Variants in TTC19 observed in about 807,000 individuals in gnomAD.
TTC19 encodes the protein tetratricopeptide repeat protein 19, mitochondrial.
A neutral mutation model predicts 49.5 loss-of-function variants in TTC19; 38 were observed. The observed-to-expected ratio is 0.77, with a 90% CI of 0.59 to 1.01. The LOEUF is 1.01. Ranked by LOEUF, TTC19 falls within the 50% of genes least tolerant of loss-of-function variation. The pLI is 0.00. For synonymous variants in TTC19, 204 were observed against 185.2 expected (o/e 1.10, Z -0.83); for missense variants, 475 against 477.7 (o/e 0.99, Z 0.05).
intron 7 of TTC19, chr17:16,023,779 TA>T: frequency 6.6e-6 from 1 of 152,226 alleles, no homozygotes; most frequent in Admixed American, 6.5e-5. Context: ...GTAAGCGATA[TA>T]GAAGCAAGCT....
chr17:16,038,703 G>A (rs1190561764), intron 2 of TTC19, among the ~76,000 whole-genome samples: 3 of 152,022 alleles, frequency 2.0e-5, no homozygotes, highest in African/African-American at 7.2e-5. Context: ...CTCCCAAAGT[G>A]CTATGATTAC....
At chr17:16,025,198 A>C in intron 8 of TTC19, 27 bp downstream of exon 8, 1 of 1,607,626 alleles carries the variant, frequency 6.2e-7, no homozygotes, top group Non-Finnish European at 8.5e-7. Context: ...CAGAAGGGGG[A>C]ATATAAAACA....
chr17:16,004,944 T>G (rs900032463), intron 6 of TTC19, among the ~76,000 whole-genome samples: 2 of 152,240 alleles, frequency 1.3e-5, no homozygotes, highest in African/African-American at 2.4e-5. Flanking sequence ...CTGGAGCCTT[T>G]GACTTCAAGT....
Position 16,026,543 on chromosome 17 carries a change from A to C in TTC19, c.835A>C (p.Ile279Leu). ...TTGTTTTTTCTTTTACATACAGACC[A>C]TTGTGCTGATGAGTGACCTGGCTAC... is the stretch of plus-strand genomic sequence containing the variant. ...EIQGERHPQT[I>L]VLMSDLATTL... Residue 279 changes from isoleucine to leucine, a missense_variant, in exon 9 of 10, where the codon ATT becomes CTT. Physicochemically the swap from Ile to Leu is conservative, Grantham distance 5 (BLOSUM62 2). Transcript: ENST00000261647. The C allele has an allele frequency of 6.2e-7, 1 of 1,614,120 alleles. No homozygotes were observed. The highest frequency in any genetic ancestry group is 8.5e-7 in the Non-Finnish European group (1 of 1,179,984).
At chr17:16,014,114 T>C (rs192959368) in intron 7 of TTC19, among the ~76,000 whole-genome samples, 17 of 152,320 alleles carry the variant, frequency 1.1e-4, no homozygotes, top group Admixed American at 1.0e-3. Flanking sequence ...CCCAGGAATC[T>C]CATCCAGAAA....
chr17:16,031,097 A>G (rs1196167322), downstream of TTC19: 2 of 191,778 alleles, frequency 1.0e-5, no homozygotes, highest in Admixed American at 6.1e-5. Context: ...TAGTACCATA[A>G]TTAGTTTAGA....
In TTC19 at chr17:16,006,764, G is replaced by A. The variant is rs186385555; in HGVS notation, c.676+196G>A. 1.9e-3 allele frequency among the ~76,000 whole-genome samples: 286 copies of A among 152,038 alleles called. 2 individuals carry two copies. The highest frequency in any genetic ancestry group is 6.8e-3 in the Middle Eastern group (2 of 294). On this transcript the variant is annotated intron_variant, in intron 7 of 9. Transcript: ENST00000261647. ...AAAATATTTGACTGCTGTTTTGGTGGTGGTTTTTTTTTTAACCCCCTTGGT... is the reference window on the plus strand; with the variant it reads ...AAAATATTTGACTGCTGTTTTGGTGATGGTTTTTTTTTTAACCCCCTTGGT...
rs1015909431 is a variant in TTC19 at position 16,028,577 on chromosome 17, T to C, written c.*1055T>C. On this transcript the variant is annotated 3_prime_UTR_variant, in exon 10 of 10. Transcript: ENST00000261647. ...CTGTCTCAAAGTATGTAAAGATACA[T>C]AGGTGGATGCTCTTACTGCAGCAGT... 8.8e-6 allele frequency: 4 copies of C among 453,874 alleles called. No homozygotes were observed. Among genetic ancestry groups the C allele is most frequent in the African/African-American group, 2.0e-5 (1 of 49,980 alleles). The allele number at this position is 453,874 out of a possible 1,614,324, so 28.1% of individuals were successfully genotyped here. A position where few individuals can be genotyped will look rare whatever the true frequency, so the allele number is the denominator to read the frequency against.
At chr17:16,020,671 A>AC (rs933354613) in intron 7 of TTC19, among the ~76,000 whole-genome samples, 13 of 150,132 alleles carry the variant, frequency 8.7e-5, no homozygotes, top group African/African-American at 3.2e-4. Flanking sequence ...TTCCCCCACT[A>AC]CCCCCCACCC....
In TTC19 at chr17:16,012,758, G is replaced by A. The variant is rs61084504; in HGVS notation, c.676+6190G>A. The stretch of plus-strand genomic sequence containing the variant: ...TCTCCATGTTGGTCAGGCTGGTCTC[G>A]AACTGCCGACCTCAGGTGATCTGCC... On this transcript the variant is annotated intron_variant, in intron 7 of 9. Coordinates refer to ENST00000261647, the MANE Select transcript of TTC19 (RefSeq NM_017775.4). Among the ~76,000 whole-genome samples the A allele has an allele frequency of 7.8e-3, 1,191 of 151,854 alleles. 15 individuals carry two copies. Among genetic ancestry groups the A allele is most frequent in the African/African-American group, 0.028 (1,143 of 41,430 alleles).
At chr17:16,038,502 T>C (rs182971380) in intron 2 of TTC19, among the ~76,000 whole-genome samples, 14 of 152,156 alleles carry the variant, frequency 9.2e-5, no homozygotes, top group South Asian at 2.1e-4. Flanking sequence ...AGTGGTGCAA[T>C]TGCAGCTCAC....
intron 2 of TTC19, chr17:16,040,646 G>GTTT: frequency 1.3e-6 from 1 of 760,472 alleles, no homozygotes; most frequent in Non-Finnish European, 2.2e-6. Flanking sequence ...TAAAATGGAA[G>GTTT]TATTTTTTTT....
At chr17:16,011,310 A>G (rs1971061980) in intron 7 of TTC19, among the ~76,000 whole-genome samples, 1 of 152,060 alleles carries the variant, frequency 6.6e-6, no homozygotes, top group African/African-American at 2.4e-5. Flanking sequence ...CTTCCTGAGT[A>G]GCTGGGATTA....
At chr17:16,035,530 C>CT (rs966987249) in intron 2 of TTC19, among the ~76,000 whole-genome samples, 3,371 of 118,306 alleles carry the variant, frequency 0.028, 103 homozygotes, top group African/African-American at 0.071. Flanking sequence ...TTCTCTTGTT[C>CT]TTTTTTTTTT....
chr17:16,021,859 A>G (rs976199440), intron 7 of TTC19, among the ~76,000 whole-genome samples: 2 of 152,216 alleles, frequency 1.3e-5, no homozygotes, highest in Non-Finnish European at 2.9e-5. Context: ...GGTTTTAGCT[A>G]TAAGTGAGAT....
rs1308323369 is a variant in TTC19 at position 16,016,193 on chromosome 17, G to A, written c.677-8824G>A. Among the ~76,000 whole-genome samples the A allele has an allele frequency of 7.9e-5, 12 of 152,186 alleles. 1 individual carries two copies. The South Asian group carries it at 2.3e-3, about 29-fold the overall frequency. ...CTTTAGCTGCATCTCATTAATTTTG[G>A]TAAGTTATATTTTCATGTATCTCAA... On this transcript the variant is annotated intron_variant, in intron 7 of 9. Coordinates refer to ENST00000261647, the MANE Select transcript of TTC19 (RefSeq NM_017775.4).
intron 2 of TTC19, chr17:16,040,787 C>T (rs2152024185): frequency 1.5e-5 from 6 of 394,264 alleles, no homozygotes; most frequent in South Asian, 1.4e-4. Flanking sequence ...CCCAGCTACT[C>T]AGCAGGCTGA....
intron 7 of TTC19, 93 bp from the exon 8 acceptor site, chr17:16,024,924 C>G (rs1971500633): frequency 1.7e-6 from 2 of 1,149,018 alleles, no homozygotes; most frequent in African/African-American, 3.0e-5. Flanking sequence ...ACATTGTTCC[C>G]TAAGTGACAT....
At chr17:16,024,633 G>C (rs1971493602) in intron 7 of TTC19, 1 of 283,986 alleles carries the variant, frequency 3.5e-6, no homozygotes, top group Admixed American at 5.1e-5. Flanking sequence ...AATTCAGCTT[G>C]TGACTTTGCA....
Sources: allele counts gnomAD v4.1 joint callset (sites outside exome capture counted in the v4.1 genomes callset), GRCh38; gene constraint gnomAD v4.1.1; transcripts MANE v1.5; gene names NCBI Gene and HGNC (gene_info 2026-07-23, HGNC 2026-07-21).